Variants in CHID1 observed in about 807,000 individuals in gnomAD.
CHID1 encodes the protein chitinase domain containing 1, also known as chitinase domain-containing protein 1.
Under a neutral mutation model 55.4 loss-of-function variants are expected in CHID1, and 44 were observed. That is an observed-to-expected ratio of 0.79 (90% CI 0.62 to 1.02). The LOEUF is 1.02. Ranked by LOEUF, CHID1 falls within the 50% of genes least tolerant of loss-of-function variation. The probability of loss-of-function intolerance (pLI) is 0.00; values close to 1 mark genes in which losing one functional copy is unlikely to be tolerated. For synonymous variants in CHID1, 216 were observed against 212.9 expected (o/e 1.01, Z -0.13); for missense variants, 491 against 515.3 (o/e 0.95, Z 0.46).
chr11:890,086 C>A (rs755605166), intron 8 of CHID1, among the ~76,000 whole-genome samples: 3 of 152,228 alleles, frequency 2.0e-5, no homozygotes, highest in Non-Finnish European at 4.4e-5. Flanking sequence ...TCCTCGCCCC[C>A]TCACGATGGC....
chr11:870,602 G>C (rs1179499946), intron 10 of CHID1, 103 bp from the exon 11 acceptor site: 1 of 797,688 alleles, frequency 1.3e-6, no homozygotes, highest in Admixed American at 2.1e-5. Flanking sequence ...GGGCCACTCG[G>C]GGCAGCCACT....
At chr11:900,851 G>A (rs888157356) in intron 5 of CHID1, 85 bp downstream of exon 5, 2 of 1,138,462 alleles carry the variant, frequency 1.8e-6, no homozygotes, top group Admixed American at 4.9e-5. Flanking sequence ...CGGGTGATCA[G>A]GAACACGTGG....
intron 1 of CHID1, chr11:910,543 C>CCGCTCTCGCTCACCCT (rs1344204415): frequency 8.7e-6 from 9 of 1,038,594 alleles, no homozygotes; most frequent in Non-Finnish European, 1.1e-5. Flanking sequence ...CCCTCCACCC[C>CCGCTCTCGCTCACCCT]CGCTCTCGCT....
chr11:881,273 C>T (rs1849895115), intron 10 of CHID1, among the ~76,000 whole-genome samples: 1 of 151,868 alleles, frequency 6.6e-6, no homozygotes, highest in African/African-American at 2.4e-5. Context: ...GTGAGACCCC[C>T]ATCTCATAAA....
At chr11:910,943 CCGGGGCCGGGGCCGGGGCCGGGG>C (rs1451399847), upstream of CHID1, 857 of 392,900 alleles carry the variant, frequency 2.2e-3, 4 homozygotes, top group Middle Eastern at 5.1e-3. Context: ...AAAGTCGGGG[CCGGGGCCGGGGCCGGGGCCGGGG>C]CGGGGCCGCG....
chr11:871,031 C>T (rs1849145961), intron 10 of CHID1, among the ~76,000 whole-genome samples: 1 of 151,144 alleles, frequency 6.6e-6, no homozygotes, highest in South Asian at 2.1e-4. Context: ...CACTCTGTCG[C>T]CCAGGCTGGT....
At chr11:880,294 C>T (rs897437119) in intron 10 of CHID1, among the ~76,000 whole-genome samples, 7 of 152,236 alleles carry the variant, frequency 4.6e-5, no homozygotes, top group Non-Finnish European at 1.0e-4. Context: ...AGGCTGACCC[C>T]AGGCCCACCT....
chr11:915,026 C>T, upstream of CHID1: 1 of 160,594 alleles, frequency 6.2e-6, no homozygotes, highest in Non-Finnish European at 1.4e-5. Context: ...AGTTCAGAGG[C>T]CGGAAGCCCA....
intron 7 of CHID1, among the ~76,000 whole-genome samples, chr11:898,380 CCACGGCTCACA>C (rs1454703784): frequency 6.6e-6 from 1 of 152,146 alleles, no homozygotes; most frequent in Non-Finnish European, 1.5e-5. Context: ...ATTCCAGAAC[CCACGGCTCACA>C]CAGAAGGCTG....
intron 10 of CHID1, chr11:882,384 T>C (rs2134169318): frequency 6.6e-6 from 1 of 152,308 alleles, no homozygotes; most frequent in South Asian, 2.1e-4. Flanking sequence ...ACAAATTCAA[T>C]GGATCTAGTG....
At chr11:892,466 G>A (rs754157032) in intron 8 of CHID1, among the ~76,000 whole-genome samples, 11 of 152,254 alleles carry the variant, frequency 7.2e-5, no homozygotes, top group Non-Finnish European at 1.2e-4. Context: ...GGCCATGCAC[G>A]AAGCAGCCCC....
chr11:882,097 T>A (rs975910272), intron 10 of CHID1, among the ~76,000 whole-genome samples: 3 of 150,356 alleles, frequency 2.0e-5, no homozygotes, highest in Admixed American at 2.0e-4. Context: ...GAGGCCAAGG[T>A]GGGCGGATCA....
upstream of CHID1, chr11:910,875 C>A (rs1040926620): frequency 3.3e-4 from 349 of 1,064,482 alleles, no homozygotes; most frequent in African/African-American, 5.7e-3. Context: ...CCGCCGCGCA[C>A]GGCACGCTGG....
intron 4 of CHID1, among the ~76,000 whole-genome samples, chr11:901,733 C>G (rs140056126): frequency 6.6e-6 from 1 of 152,206 alleles, no homozygotes; most frequent in Non-Finnish European, 1.5e-5. Flanking sequence ...CTGGACCACA[C>G]GCAGACCTGG....
At chr11:906,782 A>G (rs2134364692) in intron 1 of CHID1, among the ~76,000 whole-genome samples, 1 of 152,322 alleles carries the variant, frequency 6.6e-6, no homozygotes, top group Admixed American at 6.5e-5. Flanking sequence ...TAATCACACC[A>G]CGTCGGGAGG....
At chr11:888,224 C>G (rs974305802) in intron 8 of CHID1, among the ~76,000 whole-genome samples, 3 of 152,222 alleles carry the variant, frequency 2.0e-5, no homozygotes, top group Non-Finnish European at 4.4e-5. Context: ...TAACACAACA[C>G]GAGGGAACAA....
rs755114027 is a variant in CHID1, at chr11:883,212, G to A, written c.895C>T (p.Leu299Phe). 6.2e-7 allele frequency: 1 copy of A among 1,614,190 alleles called. No homozygotes were observed. Among genetic ancestry groups the A allele is most frequent in the African/African-American group, 1.3e-5 (1 of 75,070 alleles). The change falls in exon 10 of 13, where the codon CTC becomes TTC. Residue 299 changes from leucine (L) to phenylalanine (F), a missense_variant. Coordinates refer to ENST00000323578, the MANE Select transcript of CHID1 (RefSeq NM_023947.4). ...GCGTAGTCCATACCATAGAAGTTGA[G>A]CCCCAGGAGGATTTTGCTTCGCCAC... Reference protein sequence around the residue: ...SKWRSKILLGLNFYGMDYATS... With the variant: ...SKWRSKILLGFNFYGMDYATS...
At chr11:910,961 C>T (rs888344010), upstream of CHID1, 1 of 394,114 alleles carries the variant, frequency 2.5e-6, no homozygotes, top group African/African-American at 2.2e-5. Context: ...GGGGCCGGGG[C>T]CGGGGCGGGG....
chr11:914,604 C>T (rs375727500), upstream of CHID1: 8 of 1,283,080 alleles, frequency 6.2e-6, no homozygotes, highest in African/African-American at 6.1e-5. Flanking sequence ...AGTGGTGGCT[C>T]ACGCCGTAAT....
Sources: gnomAD v4.1 joint callset for allele counts (sites outside exome capture counted in the v4.1 genomes callset) on GRCh38, gnomAD v4.1.1 for gene constraint, MANE v1.5 for transcripts, NCBI Gene and HGNC (gene_info 2026-07-23, HGNC 2026-07-21) for gene names.